The following SPTLC1 variants were observed in gnomAD, a reference collection of about 807,000 sequenced individuals.
SPTLC1 encodes serine palmitoyltransferase long chain base subunit 1.
SPTLC1 carries 55 observed loss-of-function variants against 68.9 expected under a neutral mutation model. The observed-to-expected ratio is 0.80, with a 90% CI of 0.64 to 1.00. The LOEUF is 1.00. Ranked by LOEUF, SPTLC1 falls within the 50% of genes least tolerant of loss-of-function variation. SPTLC1 has a pLI of 0.00. For synonymous variants in SPTLC1, 197 were observed against 201.6 expected, an observed-to-expected ratio of 0.98 and a Z score of 0.19; for missense variants, 449 against 573.1, an observed-to-expected ratio of 0.78 and a Z score of 2.21.
rs995531158 is a variant in SPTLC1, at chr9:92,032,057, T to C, written c.*408A>G. 1 of 464,800 alleles carries C rather than the reference T, an allele frequency of 2.2e-6. No homozygotes were observed. Among genetic ancestry groups the C allele is most frequent in the African/African-American group, 2.0e-5 (1 of 50,506 alleles). The allele number at this position is 464,800 out of a possible 1,614,324, so 28.8% of individuals were successfully genotyped here. A position where few individuals can be genotyped will look rare whatever the true frequency, so the allele number is the denominator to read the frequency against. On this transcript the variant is annotated 3_prime_UTR_variant, in exon 15 of 15. Coordinates refer to ENST00000262554, the MANE Select transcript of SPTLC1 (RefSeq NM_006415.4). ...TCTTAGCTTTAATGTTGCAGTCATTTTTCTATGAAATACTAAGGAGTTAAG... is the reference window on the plus strand; with the variant it reads ...TCTTAGCTTTAATGTTGCAGTCATTCTTCTATGAAATACTAAGGAGTTAAG...
chr9:92,075,469 G>A (rs942270240), intron 5 of SPTLC1, among the ~76,000 whole-genome samples: 2 of 152,042 alleles, frequency 1.3e-5, no homozygotes, highest in Non-Finnish European at 2.9e-5. Flanking sequence ...CTACTCAAGC[G>A]CTTCCCGACT....
intron 3 of SPTLC1, among the ~76,000 whole-genome samples, chr9:92,103,513 G>T (rs1835835233): frequency 6.6e-6 from 1 of 152,252 alleles, no homozygotes; most frequent in Non-Finnish European, 1.5e-5. Flanking sequence ...TTCAAAGCCT[G>T]GCTGGGCCAT....
chr9:92,089,816 T>C lies in SPTLC1; in HGVS notation c.261-8853A>G, dbSNP rs1835289960. 8.5e-5 allele frequency among the ~76,000 whole-genome samples: 13 copies of C among 152,274 alleles called. No individual in the cohort carries two copies. In the South Asian group the frequency reaches 2.5e-3, roughly 29 times the overall value. On this transcript the variant is annotated intron_variant, in intron 3 of 14. Transcript: ENST00000262554. ...AAGAAGACACATGACAGTGAAACTG[T>C]AGAATTTTAGAGAAAAATAATTGTG...
At chr9:92,060,439 G>A (rs930145853) in intron 6 of SPTLC1, among the ~76,000 whole-genome samples, 5 of 152,096 alleles carry the variant, frequency 3.3e-5, no homozygotes, top group Non-Finnish European at 5.9e-5. Flanking sequence ...GAAGACACCT[G>A]AAGCAAATGA....
chr9:92,098,668 G>A (rs1480419674), intron 3 of SPTLC1, among the ~76,000 whole-genome samples: 7 of 151,782 alleles, frequency 4.6e-5, no homozygotes, highest in Admixed American at 2.6e-4. Flanking sequence ...AGTGCAAAAG[G>A]GTAAAAATAA....
At chr9:92,102,013 A>G (rs1250999297) in intron 3 of SPTLC1, among the ~76,000 whole-genome samples, 1 of 152,160 alleles carries the variant, frequency 6.6e-6, no homozygotes, top group Non-Finnish European at 1.5e-5. Context: ...AGTCAAACAC[A>G]AAGAAAAACT....
rs184045086 is a variant in SPTLC1 at position 92,048,283 on chromosome 9, A to G, written c.889-575T>C. ...TCCTACATCTTTCTGACCACTCAGA[A>G]CTCCTTCGGTCCTCATCTTTGGGTC... On this transcript the variant is annotated intron_variant, in intron 9 of 14. Coordinates refer to ENST00000262554, the MANE Select transcript of SPTLC1 (RefSeq NM_006415.4). 4.3e-4 allele frequency among the ~76,000 whole-genome samples: 66 copies of G among 151,738 alleles called. 1 individual carries two copies. Among genetic ancestry groups the G allele is most frequent in the African/African-American group, 1.4e-3 (58 of 41,354 alleles).
chr9:92,087,610 T>C (rs1366720022), intron 3 of SPTLC1, among the ~76,000 whole-genome samples: 1 of 152,204 alleles, frequency 6.6e-6, no homozygotes, highest in African/African-American at 2.4e-5. Context: ...GGAAGTTTTG[T>C]CTCAGAGGAG....
chr9:92,071,534 A>T (rs1834491037), intron 5 of SPTLC1, among the ~76,000 whole-genome samples: 1 of 152,238 alleles, frequency 6.6e-6, no homozygotes, highest in Non-Finnish European at 1.5e-5. Context: ...CACATGCGGT[A>T]TCTTATGTGA....
At chr9:92,087,391 TTGA>T (rs1294575580) in intron 3 of SPTLC1, among the ~76,000 whole-genome samples, 1 of 152,190 alleles carries the variant, frequency 6.6e-6, no homozygotes, top group Non-Finnish European at 1.5e-5. Context: ...CTTTTGGTCT[TTGA>T]TGATGGTGAT....
At chr9:92,096,407 A>T (rs985313212) in intron 3 of SPTLC1, among the ~76,000 whole-genome samples, 2 of 152,126 alleles carry the variant, frequency 1.3e-5, no homozygotes, top group African/African-American at 2.4e-5. Flanking sequence ...ATATAAAATC[A>T]TCTTATTATA....
chr9:92,098,832 C>T (rs1203497152), intron 3 of SPTLC1, among the ~76,000 whole-genome samples: 1 of 152,168 alleles, frequency 6.6e-6, no homozygotes, highest in Non-Finnish European at 1.5e-5. Context: ...ATGGGACACT[C>T]CAGGGCCACC....
At chr9:92,113,900 G>A (rs1020260522) in intron 1 of SPTLC1, among the ~76,000 whole-genome samples, 8 of 152,302 alleles carry the variant, frequency 5.3e-5, no homozygotes, top group East Asian at 3.9e-4. Flanking sequence ...TTTGTTCACC[G>A]CACTATCCCT....
chr9:92,034,996 A>T, intron 13 of SPTLC1, 113 bp from the exon 14 acceptor site: 1 of 906,080 alleles, frequency 1.1e-6, no homozygotes, highest in Non-Finnish European at 1.9e-6. Context: ...TTCCAATTAT[A>T]ATTGCTAGAA....
At chr9:92,082,709 T>C (rs1367330278) in intron 3 of SPTLC1, among the ~76,000 whole-genome samples, 2 of 152,124 alleles carry the variant, frequency 1.3e-5, no homozygotes, top group Non-Finnish European at 2.9e-5. Context: ...TACGTGTGCA[T>C]GTGTCTTTAT....
intron 6 of SPTLC1, among the ~76,000 whole-genome samples, chr9:92,066,104 G>A (rs995833414): frequency 6.6e-6 from 1 of 152,184 alleles, no homozygotes; most frequent in Non-Finnish European, 1.5e-5. Context: ...ACTATTCTAA[G>A]TAATGGGCTC....
At chr9:92,082,949 G>C (rs1834947241) in intron 3 of SPTLC1, among the ~76,000 whole-genome samples, 1 of 152,162 alleles carries the variant, frequency 6.6e-6, no homozygotes, top group African/African-American at 2.4e-5. Flanking sequence ...GTGTGAGATG[G>C]TATCTCATTA....
intron 11 of SPTLC1, among the ~76,000 whole-genome samples, chr9:92,046,841 T>C (rs1833530336): frequency 6.6e-6 from 1 of 152,210 alleles, no homozygotes; most frequent in Non-Finnish European, 1.5e-5. Context: ...CTCAAAAAAC[T>C]ATTAACCAAA....
chr9:92,062,116 T>C (rs1834126822), intron 6 of SPTLC1, among the ~76,000 whole-genome samples: 1 of 152,048 alleles, frequency 6.6e-6, no homozygotes. Flanking sequence ...TATAATAATA[T>C]AGGTAGTAAA....
Sources: allele counts gnomAD v4.1 joint callset (sites outside exome capture counted in the v4.1 genomes callset), GRCh38; gene constraint gnomAD v4.1.1; transcripts MANE v1.5; gene names NCBI Gene and HGNC (gene_info 2026-07-23, HGNC 2026-07-21).